The following BIRC3 variants were observed in gnomAD, a reference collection of about 807,000 sequenced individuals.
BIRC3 encodes baculoviral IAP repeat-containing protein 3.
In BIRC3, 26 loss-of-function variants were observed where a neutral mutation model predicts 59.0. The ratio of observed to expected loss-of-function variants is 0.44; its 90% CI spans 0.32 to 0.61. The LOEUF (loss-of-function observed/expected upper bound fraction) is 0.61, where lower values mean the gene tolerates loss of function less well. Among genes scored for constraint, BIRC3 ranks in the 20% least tolerant of loss-of-function variants. BIRC3 has a pLI of 0.04. For missense variants in BIRC3, 641 were observed against 711.5 expected (o/e 0.90, Z 1.13); for synonymous variants, 243 against 249.2 (o/e 0.98, Z 0.24).
rs913564651 is a variant in BIRC3, at chr11:102,322,778, A to T, written c.-1732A>T. 1.2e-3 allele frequency: 20 copies of T among 16,592 alleles called. No homozygotes were observed. The East Asian group carries it at 0.015, about 12-fold the overall frequency. The allele number at this position is 16,592 out of a possible 1,614,324, so 1.0% of individuals were successfully genotyped here. ...GAAACCATGCTTGCAAACCACTGGTAAAAAAAAAAAAAAAAAAAAAAAAAA... is the reference window on the plus strand; with the variant it reads ...GAAACCATGCTTGCAAACCACTGGTTAAAAAAAAAAAAAAAAAAAAAAAAA... On this transcript the variant is annotated 5_prime_UTR_variant, in exon 2 of 9. The change abolishes the stop of an existing upstream ORF in the 5' untranslated region. Coordinates refer to ENST00000263464, the MANE Select transcript of BIRC3 (RefSeq NM_001165.5).
At chr11:102,318,527 T>C (rs1950996824) in intron 1 of BIRC3, among the ~76,000 whole-genome samples, 1 of 152,226 alleles carries the variant, frequency 6.6e-6, no homozygotes, top group African/African-American at 2.4e-5. Flanking sequence ...GGTACAGAGA[T>C]GAAACATATT....
rs34782084 is a variant in BIRC3 at position 102,332,136 on chromosome 11, C to T, written c.1324+895C>T. ...GACAAGTTGTTCATGTCCTTCCATA[C>T]TAAACGTATCCACTATGTTCTCTAT... On this transcript the variant is annotated intron_variant, in intron 6 of 8. Coordinates refer to ENST00000263464, the MANE Select transcript of BIRC3 (RefSeq NM_001165.5). Among the ~76,000 whole-genome samples, 19 of 152,302 alleles carry T rather than the reference C, an allele frequency of 1.2e-4. 2 individuals carry two copies. The South Asian group carries it at 3.5e-3, about 28-fold the overall frequency.
In BIRC3 at chr11:102,331,124, A is replaced by G. The variant is rs559399763; in HGVS notation, c.1207A>G (p.Ile403Val). Residue 403 changes from isoleucine to valine, a missense_variant, in exon 6 of 9, where the codon ATC becomes GTC. Physicochemically the swap from Ile to Val is conservative, Grantham distance 29 (BLOSUM62 3). Coordinates refer to ENST00000263464, the MANE Select transcript of BIRC3 (RefSeq NM_001165.5). Reference protein sequence around the residue: ...SLVKQTVQRKILATGENYRLV... With the variant: ...SLVKQTVQRKVLATGENYRLV... ...GGTAAAACAGACAGTTCAGAGAAAA[A>G]TCCTAGCAACTGGAGAGAATTATAG... is the stretch of plus-strand genomic sequence containing the variant. 1 of 1,613,854 alleles carries G rather than the reference A, an allele frequency of 6.2e-7. No homozygotes were observed. Among genetic ancestry groups the G allele is most frequent in the African/African-American group, 1.3e-5 (1 of 75,032 alleles).
chr11:102,335,288 A>C (rs1226945130), intron 6 of BIRC3, among the ~76,000 whole-genome samples: 1 of 152,242 alleles, frequency 6.6e-6, no homozygotes, highest in Non-Finnish European at 1.5e-5. Flanking sequence ...GAAGAATGAC[A>C]CTTTAAGAAA....
chr11:102,328,079 A>G lies in BIRC3; in HGVS notation c.981A>G (p.Gly327=). ...PRCEYLIRIK[G]QEFIRQVQAS... ...GTGAGTACTTGATAAGAATTAAAGG[A>G]CAGGAGTTCATCCGTCAAGTTCAAG... The change falls in exon 4 of 9, where the codon GGA becomes GGG. Residue 327 remains glycine (G), a synonymous_variant. Coordinates refer to ENST00000263464, the MANE Select transcript of BIRC3 (RefSeq NM_001165.5). The G allele has an allele frequency of 1.9e-6, 3 of 1,609,976 alleles. No homozygotes were observed. Among genetic ancestry groups the G allele is most frequent in the Middle Eastern group, 1.7e-4 (1 of 6,040 alleles).
rs372538367 is a variant in BIRC3 at position 102,324,944 on chromosome 11, T to C, written c.435T>C (p.Pro145=). The C allele has an allele frequency of 1.5e-5, 24 of 1,614,074 alleles. No individual in the cohort carries two copies. Among genetic ancestry groups the C allele is most frequent in the Non-Finnish European group, 1.9e-5 (23 of 1,180,028 alleles). ...CTTATTCAAACTCTCCATCAAATCC[T>C]GTAAACTCCAGAGCAAATCAAGATT... The part of the protein sequence containing the change: ...RGSYSNSPSN[P]VNSRANQDFS... Residue 145 remains proline, a synonymous_variant, in exon 2 of 9, where the codon CCT becomes CCC. Transcript: ENST00000263464.
intron 3 of BIRC3, among the ~76,000 whole-genome samples, chr11:102,326,201 A>C (rs1160264708): frequency 6.6e-6 from 1 of 152,228 alleles, no homozygotes; most frequent in East Asian, 1.9e-4. Flanking sequence ...GAGAGAACAG[A>C]CAACTAATAA....
At chr11:102,329,589 C>T (rs1951118250) in intron 5 of BIRC3, among the ~76,000 whole-genome samples, 1 of 152,080 alleles carries the variant, frequency 6.6e-6, no homozygotes, top group Non-Finnish European at 1.5e-5. Context: ...ACATACACAC[C>T]ATGGAATACT....
intron 6 of BIRC3, among the ~76,000 whole-genome samples, chr11:102,335,392 A>G (rs1951185142): frequency 6.6e-6 from 1 of 152,222 alleles, no homozygotes; most frequent in African/African-American, 2.4e-5. Context: ...CCATTTGGTT[A>G]AAGGCTTAGC....
rs1453182498 is a variant in BIRC3 at position 102,323,674 on chromosome 11, A to C, written c.-836A>C. 5.1e-6 allele frequency: 1 copy of C among 197,100 alleles called. No individual in the cohort carries two copies. The highest frequency in any genetic ancestry group is 8.0e-5 in the East Asian group (1 of 12,544). 12.2% of individuals were successfully genotyped at this position (197,100 alleles called of 1,614,324 possible). Reference sequence around the variant, plus strand: ...TGTTAGCCAGTCCTGTTACTAGTAAATCTCTTTATTTGGAGAGAAATTTTA... The same window carrying C: ...TGTTAGCCAGTCCTGTTACTAGTAACTCTCTTTATTTGGAGAGAAATTTTA... On this transcript the variant is annotated 5_prime_UTR_variant, in exon 2 of 9. Transcript: ENST00000263464.
chr11:102,335,867 G>A lies in BIRC3; in HGVS notation c.1325-99G>A, dbSNP rs989576787. 1.2e-5 allele frequency: 15 copies of A among 1,263,668 alleles called. No homozygotes were observed. The African/African-American group carries it at 1.7e-4, about 14-fold the overall frequency. 78.3% of individuals were successfully genotyped at this position (1,263,668 alleles called of 1,614,324 possible). A position where few individuals can be genotyped will look rare whatever the true frequency, so the allele number is the denominator to read the frequency against. On this transcript the variant is annotated intron_variant, in intron 6 of 8. Transcript: ENST00000263464. ...TCAACATCAATGCCTTACTGATTACGAATTAAAGATAGTTTTTATCCTGCT... is the reference window on the plus strand; with the variant it reads ...TCAACATCAATGCCTTACTGATTACAAATTAAAGATAGTTTTTATCCTGCT...
chr11:102,317,610 C>A, intron 1 of BIRC3, 39 bp downstream of exon 1: 1 of 149,364 alleles, frequency 6.7e-6, no homozygotes, highest in Non-Finnish European at 1.5e-5. Context: ...TGTGTGTGTG[C>A]GTGTGTGTGT....
intron 8 of BIRC3, 39 bp from the exon 9 acceptor site, chr11:102,336,870 G>C: frequency 6.3e-7 from 1 of 1,589,888 alleles, no homozygotes; most frequent in East Asian, 2.2e-5. Context: ...CACTGAAGAA[G>C]CAAACTGCCT....
In BIRC3 at chr11:102,337,080, C is replaced by T; in HGVS notation, c.1793C>T (p.Thr598Ile). 2 of 1,523,282 alleles carry T rather than the reference C, an allele frequency of 1.3e-6. No homozygotes were observed. Among genetic ancestry groups the T allele is most frequent in the Non-Finnish European group, 1.7e-6 (2 of 1,146,070 alleles). The allele number at this position is 1,523,282 out of a possible 1,614,324, so 94.4% of individuals were successfully genotyped here. Residue 598 changes from threonine (T) to isoleucine (I), a missense_variant, in exon 9 of 9, where the codon ACA becomes ATA. Thr to Ile is a moderately conservative substitution (Grantham distance 89). Around this residue, in one of 4 missense-constraint regions of BIRC3, gnomAD observed 41 missense variants for 73.4 expected, o/e 0.56. Coordinates refer to ENST00000263464, the MANE Select transcript of BIRC3 (RefSeq NM_001165.5). ...CPICRSTIKGTVRTFLS is the reference protein window; with the variant it reads ...CPICRSTIKGIVRTFLS ...ATTTGTAGGAGTACAATCAAGGGTA[C>T]AGTTCGTACATTTCTTTCATGAAGA...
At position 102,336,181 on chromosome 11, in the gene BIRC3, C is replaced by T; in HGVS notation, c.1540C>T (p.Leu514=). 6.2e-7 allele frequency: 1 copy of T among 1,613,092 alleles called. No homozygotes were observed. Among genetic ancestry groups the T allele is most frequent in the Non-Finnish European group, 8.5e-7 (1 of 1,179,596 alleles). Residue 514 remains leucine (L), a synonymous_variant, in exon 7 of 9, where the codon CTG becomes TTG. Coordinates refer to ENST00000263464, the MANE Select transcript of BIRC3 (RefSeq NM_001165.5). Reference sequence around the variant, plus strand: ...TGCAGCCACTGTATTCAGAAACTCTCTGCAAGAAGCTGAAGCTGTGTTATA... The same window carrying T: ...TGCAGCCACTGTATTCAGAAACTCTTTGCAAGAAGCTGAAGCTGTGTTATA... ...NIAATVFRNS[L]QEAEAVLYEH...
At chr11:102,317,827 G>A (rs1591516971) in intron 1 of BIRC3, among the ~76,000 whole-genome samples, 1 of 152,326 alleles carries the variant, frequency 6.6e-6, no homozygotes, top group African/African-American at 2.4e-5. Flanking sequence ...TGAGCCAGTG[G>A]AATTGTGAAG....
At chr11:102,328,756 A>G in intron 4 of BIRC3, 141 bp from the exon 5 acceptor site, 1 of 262,654 alleles carries the variant, frequency 3.8e-6, no homozygotes, top group South Asian at 1.6e-4. Context: ...TTTGGTTAAA[A>G]AATTATTTTG....
At position 102,331,192 on chromosome 11, in the gene BIRC3, T is replaced by C; in HGVS notation, c.1275T>C (p.Asp425=). The change falls in exon 6 of 9, where the codon GAT becomes GAC. Residue 425 remains aspartate (D), a synonymous_variant. Coordinates refer to ENST00000263464, the MANE Select transcript of BIRC3 (RefSeq NM_001165.5). ...TGTTAGACTTACTCAATGCAGAAGATGAAATAAGGGAAGAGGAGAGAGAAA... is the reference window on the plus strand; with the variant it reads ...TGTTAGACTTACTCAATGCAGAAGACGAAATAAGGGAAGAGGAGAGAGAAA... The part of the protein sequence containing the change: ...DLVLDLLNAE[D]EIREEERERA... The C allele has an allele frequency of 6.2e-7, 1 of 1,613,276 alleles. No homozygotes were observed. The highest frequency in any genetic ancestry group is 8.5e-7 in the Non-Finnish European group (1 of 1,179,724).
intron 6 of BIRC3, 21 bp from the exon 7 acceptor site, chr11:102,335,945 C>T: frequency 1.3e-6 from 2 of 1,594,558 alleles, no homozygotes; most frequent in Non-Finnish European, 1.7e-6. Flanking sequence ...CATGTTTATG[C>T]TTGTTTTCTT....
Sources: allele counts gnomAD v4.1 joint callset (sites outside exome capture counted in the v4.1 genomes callset), GRCh38; gene constraint gnomAD v4.1.1; regional missense constraint gnomAD v4.1.1; transcripts MANE v1.5; gene names NCBI Gene and HGNC (gene_info 2026-07-23, HGNC 2026-07-21).